Variants in GRM7 observed in about 807,000 individuals in gnomAD.
The protein encoded by GRM7 is glutamate metabotropic receptor 7.
In GRM7, 35 loss-of-function variants were observed where a neutral mutation model predicts 84.5. That is an observed-to-expected ratio of 0.41 (90% CI 0.32 to 0.55). The LOEUF (loss-of-function observed/expected upper bound fraction) is 0.55, where lower values mean the gene tolerates loss of function less well. Among genes scored for constraint, GRM7 ranks in the 20% least tolerant of loss-of-function variants. The pLI is 0.19. For missense variants in GRM7, 1,003 were observed against 1,194.6 expected (o/e 0.84, Z 2.36); for synonymous variants, 487 against 455.1 (o/e 1.07, Z -0.89).
At chr3:6,947,121 G>T (rs1698115259) in intron 1 of GRM7, among the ~76,000 whole-genome samples, 1 of 152,132 alleles carries the variant, frequency 6.6e-6, no homozygotes, top group African/African-American at 2.4e-5. Flanking sequence ...GGGCATCCCT[G>T]TCTTGTGCCA....
chr3:7,253,856 C>A (rs567605121), intron 2 of GRM7, among the ~76,000 whole-genome samples: 1 of 152,010 alleles, frequency 6.6e-6, no homozygotes, highest in Non-Finnish European at 1.5e-5. Context: ...ATGGATTTTG[C>A]GCATCATTTC....
chr3:7,438,769 G>A (rs1429570996), intron 5 of GRM7, among the ~76,000 whole-genome samples: 1 of 152,130 alleles, frequency 6.6e-6, no homozygotes, highest in African/African-American at 2.4e-5. Context: ...CTCTGTATTT[G>A]TTCATCAGAG....
At chr3:7,156,634 A>G (rs534976820) in intron 2 of GRM7, among the ~76,000 whole-genome samples, 1 of 152,318 alleles carries the variant, frequency 6.6e-6, no homozygotes, top group Non-Finnish European at 1.5e-5. Flanking sequence ...CTGTGTACAA[A>G]AAACAACTTC....
rs62235384 is a variant in GRM7, at chr3:6,922,462, C to A, written c.519+60555C>A. On this transcript the variant is annotated intron_variant, in intron 1 of 9. Transcript: ENST00000357716. ...AGTTGGCTGTTATATTTCCCTAAGTCCTATGCATGTTTCTAGAGATTAGAT... is the reference window on the plus strand; with the variant it reads ...AGTTGGCTGTTATATTTCCCTAAGTACTATGCATGTTTCTAGAGATTAGAT... Among the ~76,000 whole-genome samples the A allele has an allele frequency of 3.2e-3, 484 of 152,258 alleles. 3 individuals carry two copies. Among genetic ancestry groups the A allele is most frequent in the Middle Eastern group, 6.8e-3 (2 of 294 alleles).
intron 1 of GRM7, among the ~76,000 whole-genome samples, chr3:6,879,373 A>G (rs1372145588): frequency 2.6e-5 from 4 of 152,330 alleles, no homozygotes; most frequent in African/African-American, 9.6e-5. Context: ...GATCAAGGGA[A>G]TCACACTTAC....
intron 1 of GRM7, among the ~76,000 whole-genome samples, chr3:7,026,252 C>G (rs889449219): frequency 2.0e-5 from 3 of 152,168 alleles, no homozygotes; most frequent in Non-Finnish European, 4.4e-5. Flanking sequence ...CCAGAGCCAC[C>G]TACAAGTTGT....
chr3:6,929,927 C>A (rs75772083), intron 1 of GRM7, among the ~76,000 whole-genome samples: 126 of 152,254 alleles, frequency 8.3e-4, no homozygotes, highest in African/African-American at 3.0e-3. Flanking sequence ...GAGATCAATA[C>A]CTCATACAAA....
intron 2 of GRM7, among the ~76,000 whole-genome samples, chr3:7,214,397 A>G (rs1420576571): frequency 6.6e-6 from 1 of 152,208 alleles, no homozygotes; most frequent in Non-Finnish European, 1.5e-5. Context: ...TCAGAAGCAA[A>G]CAAGACAAAG....
At position 6,932,646 on chromosome 3, in the gene GRM7, G is replaced by C. The variant is rs376259314; in HGVS notation, c.519+70739G>C. Among the ~76,000 whole-genome samples the C allele has an allele frequency of 1.5e-4, 22 of 151,122 alleles. No homozygotes were observed. The East Asian group carries it at 1.7e-3, about 12-fold the overall frequency. On this transcript the variant is annotated intron_variant, in intron 1 of 9. Coordinates refer to ENST00000357716, the MANE Select transcript of GRM7 (RefSeq NM_000844.4). The stretch of plus-strand genomic sequence containing the variant: ...TCAATGATAAATTATTAGATATTAT[G>C]TTCATCATATCGGGAGGTCACATAT...
At chr3:7,498,955 T>C (rs1235231132) in intron 7 of GRM7, among the ~76,000 whole-genome samples, 1 of 152,110 alleles carries the variant, frequency 6.6e-6, no homozygotes, top group Non-Finnish European at 1.5e-5. Context: ...ATGTAACAAA[T>C]AATGGGAAAA....
At chr3:7,239,508 G>C (rs1180578256) in intron 2 of GRM7, among the ~76,000 whole-genome samples, 2 of 152,072 alleles carry the variant, frequency 1.3e-5, no homozygotes, top group Non-Finnish European at 2.9e-5. Flanking sequence ...CCAGCTGTGA[G>C]GCTTAGTTTT....
At chr3:7,675,104 GTT>G (rs1700075582) in intron 8 of GRM7, among the ~76,000 whole-genome samples, 1 of 152,096 alleles carries the variant, frequency 6.6e-6, no homozygotes, top group Admixed American at 6.5e-5. Flanking sequence ...TTCATATATT[GTT>G]ACATCATTTT....
intron 2 of GRM7, among the ~76,000 whole-genome samples, chr3:7,203,230 A>C (rs1024005814): frequency 1.3e-5 from 2 of 152,100 alleles, no homozygotes; most frequent in Non-Finnish European, 2.9e-5. Context: ...CACCCTTCCT[A>C]GCCTTTGGTA....
chr3:7,518,087 C>T (rs1700458891), intron 7 of GRM7, among the ~76,000 whole-genome samples: 1 of 152,170 alleles, frequency 6.6e-6, no homozygotes, highest in Non-Finnish European at 1.5e-5. Flanking sequence ...ATTTCTCAGA[C>T]AGTCAAAGCT....
At chr3:7,144,933 G>C (rs1694061673) in intron 1 of GRM7, among the ~76,000 whole-genome samples, 1 of 152,178 alleles carries the variant, frequency 6.6e-6, no homozygotes, top group Admixed American at 6.5e-5. Context: ...AGTGCATCGT[G>C]GACAGGCTGC....
chr3:7,321,538 A>T (rs772060655), intron 4 of GRM7, among the ~76,000 whole-genome samples: 1 of 151,994 alleles, frequency 6.6e-6, no homozygotes, highest in Non-Finnish European at 1.5e-5. Context: ...AACAAACCAC[A>T]GTAGAACAAA....
In GRM7 at chr3:7,579,135, C is replaced by T; in HGVS notation, c.2229C>T (p.Ala743=). The T allele has an allele frequency of 6.2e-7, 1 of 1,613,794 alleles. No homozygotes were observed. The highest frequency in any genetic ancestry group is 1.1e-5 in the South Asian group (1 of 91,048). ...ACAAGACAATGAACCCTGAGCAAGC[C>T]AGAGGGGTTCTCAAGTGTGACATTA... is the stretch of plus-strand genomic sequence containing the variant. ...DEHKTMNPEQ[A]RGVLKCDITD... The change falls in exon 8 of 10, where the codon GCC becomes GCT. Residue 743 remains alanine, a synonymous_variant. Coordinates refer to ENST00000357716, the MANE Select transcript of GRM7 (RefSeq NM_000844.4).
rs189781053 is a variant in GRM7 at position 7,174,394 on chromosome 3, C to T, written c.736+27726C>T. ...GTGATTTAGAATTATTTGACAGAGA[C>T]ACATTTAAAATAGAATTTTTTTAGA... On this transcript the variant is annotated intron_variant, in intron 2 of 9. Coordinates refer to ENST00000357716, the MANE Select transcript of GRM7 (RefSeq NM_000844.4). Among the ~76,000 whole-genome samples the T allele has an allele frequency of 3.9e-5, 6 of 152,238 alleles. No homozygotes were observed. The East Asian group carries it at 5.8e-4, about 15-fold the overall frequency.
chr3:7,605,387 A>ACAAT (rs1696515265), intron 8 of GRM7, among the ~76,000 whole-genome samples: 1 of 152,218 alleles, frequency 6.6e-6, no homozygotes, highest in African/African-American at 2.4e-5. Context: ...GATAATAAAG[A>ACAAT]CAATCAAAAA....
Sources: allele counts gnomAD v4.1 joint callset (sites outside exome capture counted in the v4.1 genomes callset), GRCh38; gene constraint gnomAD v4.1.1; transcripts MANE v1.5; gene names NCBI Gene and HGNC (gene_info 2026-07-23, HGNC 2026-07-21).